Variants in SCNN1A observed in about 807,000 individuals in gnomAD.
SCNN1A encodes epithelial sodium channel subunit alpha.
In SCNN1A, 65 loss-of-function variants were observed where a neutral mutation model predicts 68.6. That is an observed-to-expected ratio of 0.95 (90% CI 0.78 to 1.16). The LOEUF is 1.16. SCNN1A is among the 50% of genes most tolerant of loss of function. The pLI, the probability that SCNN1A is intolerant of heterozygous loss-of-function variation, is 0.00. For missense variants in SCNN1A, 880 were observed against 865.9 expected (o/e 1.02, Z -0.20); for synonymous variants, 357 against 353.3 (o/e 1.01, Z -0.12).
intron 2 of SCNN1A, among the ~76,000 whole-genome samples, chr12:6,366,926 C>G (rs1948689590): frequency 6.6e-6 from 1 of 152,126 alleles, no homozygotes; most frequent in South Asian, 2.1e-4. Flanking sequence ...AGAAAACTTG[C>G]TCATTACTGC....
chr12:6,355,453 G>A lies in SCNN1A; in HGVS notation c.980-18C>T. 1 of 1,613,150 alleles carries A rather than the reference G, an allele frequency of 6.2e-7. No individual in the cohort carries two copies. ...GGACAGACCTAGGGGTGCAGAGAGA[G>A]CAGAGTTGGCAGAGGCGGGAATCCT... On this transcript the variant is annotated intron_variant, in intron 5 of 12. Transcript: ENST00000228916.
intron 2 of SCNN1A, among the ~76,000 whole-genome samples, chr12:6,365,557 G>A (rs554669504): frequency 6.6e-6 from 1 of 152,300 alleles, no homozygotes; most frequent in South Asian, 2.1e-4. Context: ...TGCATAGATG[G>A]TCAACTGATT....
At chr12:6,358,584 C>T (rs1948533815) in intron 4 of SCNN1A, among the ~76,000 whole-genome samples, 2 of 143,470 alleles carry the variant, frequency 1.4e-5, no homozygotes, top group South Asian at 4.2e-4. Context: ...GTGGGCCGGG[C>T]GTGGTGGCTT....
chr12:6,348,693 A>T (rs761128357), intron 12 of SCNN1A, 34 bp downstream of exon 12: 10 of 1,575,576 alleles, frequency 6.3e-6, no homozygotes, highest in African/African-American at 2.7e-5. Context: ...TAAGACCCCC[A>T]GAGCATCACA....
In SCNN1A at chr12:6,374,846, GC is replaced by G. The variant is rs754450034; in HGVS notation, c.-54-10del. On this transcript the variant is annotated splice_polypyrimidine_tract_variant and intron_variant, in intron 1 of 12. Coordinates refer to ENST00000228916, the MANE Select transcript of SCNN1A (RefSeq NM_001038.6). The surrounding 1 kb of genome is among the most constrained non-coding windows in gnomAD (Gnocchi z 6.2). ...TCCTCCAGCTTGTTCCCCTTCATGA[GC>G]CCCGGAGTGGATTGGGGAGAGCAAG... 2 of 1,614,126 alleles carry G rather than the reference GC, an allele frequency of 1.2e-6. No homozygotes were observed. Among genetic ancestry groups the G allele is most frequent in the South Asian group, 2.2e-5 (2 of 91,084 alleles).
intron 2 of SCNN1A, among the ~76,000 whole-genome samples, chr12:6,367,555 T>C (rs1948701428): frequency 6.6e-6 from 1 of 152,194 alleles, no homozygotes; most frequent in Non-Finnish European, 1.5e-5. Context: ...ATCCCATTTA[T>C]ACGAATTCTA....
At position 6,357,279 on chromosome 12, in the gene SCNN1A, G is replaced by A. The variant is rs557131306; in HGVS notation, c.876-1399C>T. Among the ~76,000 whole-genome samples, 438 of 149,124 alleles carry A rather than the reference G, an allele frequency of 2.9e-3. 1 individual carries two copies. Among genetic ancestry groups the A allele is most frequent in the African/African-American group, 9.6e-3 (393 of 40,766 alleles). On this transcript the variant is annotated intron_variant, in intron 4 of 12. Transcript: ENST00000228916. ...GATGGGTTTTAAAACATAGAGCTTC[G>A]AAAAAAAAAAGTGGTGGGGCACAGT... is the stretch of plus-strand genomic sequence containing the variant.
rs969902050 is a variant in SCNN1A at position 6,354,456 on chromosome 12, T to C, written c.1342A>G (p.Arg448Gly). 7.4e-6 allele frequency: 12 copies of C among 1,611,896 alleles called. No homozygotes were observed. The highest frequency in any genetic ancestry group is 1.0e-5 in the Non-Finnish European group (12 of 1,178,968). The stretch of plus-strand genomic sequence containing the variant: ...GTCTCACCCCAGGAACTGTGCTTTC[T>C]GTAGTCACAGTACTCCACGTTCTGG... ...RPQNVEYCDY[R>G]KHSSWGYCYY... is the part of the protein sequence containing the mutation. The change falls in exon 8 of 13, where the codon AGA becomes GGA. Residue 448 changes from arginine (R) to glycine (G), a missense_variant. By Grantham distance (125) the Arg-to-Gly change is moderately radical. This residue lies in a region of SCNN1A where 758 missense variants were observed against 721.8 expected (regional missense o/e 1.05). Coordinates refer to ENST00000228916, the MANE Select transcript of SCNN1A (RefSeq NM_001038.6).
rs767336946 is a variant in SCNN1A at position 6,355,340 on chromosome 12, G to A, written c.1075C>T (p.Pro359Ser). 4 of 1,613,840 alleles carry A rather than the reference G, an allele frequency of 2.5e-6. No homozygotes were observed. Among genetic ancestry groups the A allele is most frequent in the Non-Finnish European group, 3.4e-6 (4 of 1,179,964 alleles). ...AAGCCACCATCATCCATAAAGGCAG[G>A]TTCATCCTGCCCGTGCACCATTACC... ...ARVMVHGQDEPAFMDDGGFNL... is the reference protein window; with the variant it reads ...ARVMVHGQDESAFMDDGGFNL... The change falls in exon 6 of 13, where the codon CCT becomes TCT. Residue 359 changes from proline to serine, a missense_variant. Transcript: ENST00000228916.
At chr12:6,369,963 T>C (rs1403330548) in intron 2 of SCNN1A, among the ~76,000 whole-genome samples, 1 of 152,070 alleles carries the variant, frequency 6.6e-6, no homozygotes, top group East Asian at 1.9e-4. Flanking sequence ...GAAAGCACAT[T>C]GAAGACATCC....
rs570195313 is a variant in SCNN1A at position 6,351,675 on chromosome 12, G to C, written c.1361-2270C>G. On this transcript the variant is annotated intron_variant, in intron 8 of 12. Transcript: ENST00000228916. The surrounding 1 kb of genome is among the most constrained non-coding windows in gnomAD (Gnocchi z 4.2). ...TTCAGAATAGGCAAATCCATAGAGA[G>C]AGAAAGAAAGAATCGTGGTTGCCCA... is the stretch of plus-strand genomic sequence containing the variant. Among the ~76,000 whole-genome samples the C allele has an allele frequency of 7.2e-5, 11 of 152,104 alleles. No homozygotes were observed. Among genetic ancestry groups the C allele is most frequent in the Admixed American group, 4.6e-4 (7 of 15,254 alleles).
intron 2 of SCNN1A, among the ~76,000 whole-genome samples, chr12:6,370,252 G>A (rs745671085): frequency 4.1e-4 from 63 of 152,224 alleles, no homozygotes; most frequent in Non-Finnish European, 8.2e-4. Context: ...AGGAAGGACT[G>A]GAGCCAAGAT....
chr12:6,373,169 C>T (rs1024583238), intron 2 of SCNN1A, among the ~76,000 whole-genome samples: 3 of 151,980 alleles, frequency 2.0e-5, no homozygotes, highest in Non-Finnish European at 4.4e-5. Flanking sequence ...GGACGTCCCA[C>T]CCTTTCTTAG....
intron 1 of SCNN1A, chr12:6,375,071 G>A: frequency 6.5e-7 from 1 of 1,528,782 alleles, no homozygotes; most frequent in Admixed American, 2.0e-5. Flanking sequence ...GGCTTCCCTA[G>A]AACGGCCTCT....
chr12:6,356,889 G>C (rs3782723), intron 4 of SCNN1A, among the ~76,000 whole-genome samples: 44,692 of 152,148 alleles, frequency 0.29, 7,465 homozygotes, highest in Admixed American at 0.45. Context: ...CAGAGATAAA[G>C]GGTGGGGTTC....
intron 2 of SCNN1A, among the ~76,000 whole-genome samples, chr12:6,367,518 C>T (rs1031259189): frequency 7.2e-5 from 11 of 152,154 alleles, no homozygotes; most frequent in African/African-American, 2.7e-4. Context: ...AAGTCAGACA[C>T]ACATACAAGA....
chr12:6,366,598 C>T (rs1161198403), intron 2 of SCNN1A, among the ~76,000 whole-genome samples: 2 of 151,794 alleles, frequency 1.3e-5, no homozygotes, highest in Non-Finnish European at 2.9e-5. Context: ...GTCAAGAGTT[C>T]GAGACCAGAC....
At position 6,354,475 on chromosome 12, in the gene SCNN1A, G is replaced by T. The variant is rs753082199; in HGVS notation, c.1323C>A (p.Asn441Lys). The change falls in exon 8 of 13, where the codon AAC becomes AAA. Residue 441 changes from asparagine (N) to lysine (K), a missense_variant. Transcript: ENST00000228916. ...CAYIFYPRPQ[N>K]VEYCDYRKHS... ...GCTTTCTGTAGTCACAGTACTCCAC[G>T]TTCTGGGGCCGCGGATAGAAGATGT... 1.2e-6 allele frequency: 2 copies of T among 1,613,420 alleles called. No individual in the cohort carries two copies. The highest frequency in any genetic ancestry group is 4.5e-5 in the East Asian group (2 of 44,874).
chr12:6,348,895 C>A (rs966997981), intron 11 of SCNN1A, 55 bp downstream of exon 11: 1 of 1,607,010 alleles, frequency 6.2e-7, no homozygotes, highest in Non-Finnish European at 8.5e-7. Context: ...CTTCTTAGGT[C>A]TATTTTCCCT....
Sources: allele counts gnomAD v4.1 joint callset (sites outside exome capture counted in the v4.1 genomes callset), GRCh38; gene constraint gnomAD v4.1.1; regional missense constraint gnomAD v4.1.1; non-coding constraint Gnocchi (gnomAD v3.1); transcripts MANE v1.5; gene names NCBI Gene and HGNC (gene_info 2026-07-23, HGNC 2026-07-21).